Variants in BCAS1 observed in about 807,000 individuals in gnomAD.
The protein encoded by BCAS1 is brain enriched myelin associated protein 1.
BCAS1 carries 46 observed loss-of-function variants against 65.4 expected under a neutral mutation model. The observed-to-expected ratio is 0.70, with a 90% CI of 0.55 to 0.90. The LOEUF (loss-of-function observed/expected upper bound fraction) is 0.90. Among genes scored for constraint, BCAS1 ranks in the 40% least tolerant of loss-of-function variants. The probability of loss-of-function intolerance (pLI) is 0.00; values close to 1 mark genes in which losing one functional copy is unlikely to be tolerated. For synonymous variants in BCAS1, 298 were observed against 293.5 expected, an observed-to-expected ratio of 1.02 and a Z score of -0.16; for missense variants, 793 against 771.2, an observed-to-expected ratio of 1.03 and a Z score of -0.33.
intron 3 of BCAS1, among the ~76,000 whole-genome samples, chr20:54,038,098 G>A (rs1308974855): frequency 2.0e-5 from 3 of 151,250 alleles, no homozygotes; most frequent in East Asian, 1.9e-4. Context: ...ACTTCAGCTC[G>A]TACTATGTTT....
chr20:53,981,813 T>TGTGC (rs1304273701), intron 8 of BCAS1, among the ~76,000 whole-genome samples: 6 of 109,016 alleles, frequency 5.5e-5, no homozygotes, highest in Non-Finnish European at 7.7e-5. Flanking sequence ...TACAAATACA[T>TGTGC]GTGCGTGCGT....
chr20:54,063,940 G>T (rs1288875218), intron 1 of BCAS1, among the ~76,000 whole-genome samples: 1 of 152,102 alleles, frequency 6.6e-6, no homozygotes, highest in Non-Finnish European at 1.5e-5. Context: ...GATTATATGA[G>T]TGTTTTGTCT....
At chr20:54,058,756 G>T (rs1036063108) in intron 1 of BCAS1, 33 bp from the exon 2 acceptor site, 5 of 1,604,140 alleles carry the variant, frequency 3.1e-6, no homozygotes, top group Admixed American at 1.7e-5. Context: ...AAGAGAGAAA[G>T]AAATCAAAAC....
chr20:54,005,873 G>A (rs912840014), intron 4 of BCAS1, among the ~76,000 whole-genome samples: 7 of 152,306 alleles, frequency 4.6e-5, no homozygotes, highest in African/African-American at 1.7e-4. Flanking sequence ...AAAAAGATGA[G>A]GTGGGGATGG....
At chr20:54,025,826 T>C (rs952888038) in intron 4 of BCAS1, among the ~76,000 whole-genome samples, 3 of 152,090 alleles carry the variant, frequency 2.0e-5, no homozygotes, top group African/African-American at 4.8e-5. Flanking sequence ...GATTGTCCCA[T>C]TACATTTATA....
intron 10 of BCAS1, among the ~76,000 whole-genome samples, chr20:53,961,763 GAAC>G (rs2089884766): frequency 6.6e-6 from 1 of 152,164 alleles, no homozygotes; most frequent in Non-Finnish European, 1.5e-5. Context: ...GTGAGCTTTA[GAAC>G]AACAAAATGA....
chr20:53,984,905 C>G (rs208365), intron 8 of BCAS1, among the ~76,000 whole-genome samples: 34,088 of 152,058 alleles, frequency 0.22, 5,392 homozygotes, highest in East Asian at 0.49. Flanking sequence ...TGAAGACAGA[C>G]AGCCCCTAGG....
rs1391284796 is a variant in BCAS1 at position 54,041,908 on chromosome 20, C to CAAAAAAAAAAAA, written c.143-12937_143-12936insTTTTTTTTTTTT. ...AGTTCAGAGTGAGACTCTGTCTCCC[C>CAAAAAAAAAAAA]CAAAAAAAAAAAAAAAAAAAAAAGA... On this transcript the variant is annotated intron_variant, in intron 3 of 12. Transcript: ENST00000688948. 5.7e-3 allele frequency among the ~76,000 whole-genome samples: 386 copies of CAAAAAAAAAAAA among 67,266 alleles called. 85 individuals carry two copies. Among genetic ancestry groups the CAAAAAAAAAAAA allele is most frequent in the Middle Eastern group, 0.033 (3 of 92 alleles). 44.1% of individuals were successfully genotyped at this position (67,266 alleles called of 152,430 possible). A position where few individuals can be genotyped will look rare whatever the true frequency, so the allele number is the denominator to read the frequency against.
chr20:54,060,323 T>G (rs540825711), intron 1 of BCAS1, among the ~76,000 whole-genome samples: 2 of 152,042 alleles, frequency 1.3e-5, no homozygotes, highest in Non-Finnish European at 2.9e-5. Context: ...TAAAAGTAAT[T>G]TTTTTTTGAG....
In BCAS1 at chr20:54,058,759, A is replaced by G. The variant is rs140514932; in HGVS notation, c.-5-36T>C. Reference sequence around the variant, plus strand: ...GAGAAAGAGAGGAAGAGAGAAAGAAATCAAAACCAAACGAAGCTACATGTG... The same window carrying G: ...GAGAAAGAGAGGAAGAGAGAAAGAAGTCAAAACCAAACGAAGCTACATGTG... On this transcript the variant is annotated intron_variant, in intron 1 of 12. Transcript: ENST00000688948. 2.3e-4 allele frequency: 364 copies of G among 1,604,298 alleles called. 1 individual carries two copies. The African/African-American group carries it at 4.5e-3, about 20-fold the overall frequency.
intron 3 of BCAS1, among the ~76,000 whole-genome samples, chr20:54,054,111 G>A (rs564934425): frequency 1.2e-4 from 18 of 152,222 alleles, no homozygotes; most frequent in South Asian, 4.1e-4. Flanking sequence ...ATCAAATCTC[G>A]TGAGACTTAT....
intron 7 of BCAS1, among the ~76,000 whole-genome samples, chr20:53,986,901 A>G (rs1000874149): frequency 5.3e-5 from 8 of 152,308 alleles, no homozygotes; most frequent in African/African-American, 1.9e-4. Flanking sequence ...AAAAAAATAT[A>G]GAATATGGAC....
chr20:53,959,296 C>A (rs2089801968), intron 10 of BCAS1, among the ~76,000 whole-genome samples: 1 of 151,758 alleles, frequency 6.6e-6, no homozygotes, highest in Non-Finnish European at 1.5e-5. Flanking sequence ...CTCTCTTGCC[C>A]AAGCTGGAGT....
At chr20:53,988,660 C>T (rs1320994904) in intron 7 of BCAS1, among the ~76,000 whole-genome samples, 5 of 152,188 alleles carry the variant, frequency 3.3e-5, no homozygotes, top group Admixed American at 6.5e-5. Context: ...TGGAAGCTTA[C>T]AATTTTTCTC....
chr20:53,948,321 C>T (rs1203287056), intron 12 of BCAS1, among the ~76,000 whole-genome samples: 1 of 152,134 alleles, frequency 6.6e-6, no homozygotes, highest in Non-Finnish European at 1.5e-5. Context: ...CTGAACTTTG[C>T]AATAGATGAA....
At chr20:53,971,505 G>A (rs1393038704) in intron 9 of BCAS1, among the ~76,000 whole-genome samples, 1 of 152,250 alleles carries the variant, frequency 6.6e-6, no homozygotes, top group Non-Finnish European at 1.5e-5. Flanking sequence ...AATACAGCAT[G>A]TGAATGCATT....
At chr20:54,066,822 A>G (rs1424136094) in intron 1 of BCAS1, among the ~76,000 whole-genome samples, 1 of 152,238 alleles carries the variant, frequency 6.6e-6, no homozygotes, top group African/African-American at 2.4e-5. Context: ...ACCACAGCCC[A>G]AGCTGACTAA....
intron 3 of BCAS1, among the ~76,000 whole-genome samples, chr20:54,049,199 C>G (rs2092165451): frequency 6.6e-6 from 1 of 152,140 alleles, no homozygotes; most frequent in Non-Finnish European, 1.5e-5. Context: ...TAAAATGATT[C>G]CACTTACATC....
At chr20:53,991,251 T>C (rs1017229388) in intron 7 of BCAS1, among the ~76,000 whole-genome samples, 1 of 152,232 alleles carries the variant, frequency 6.6e-6, no homozygotes, top group Non-Finnish European at 1.5e-5. Context: ...CTAAGTTATG[T>C]GATGTTGGAG....
Sources: allele counts gnomAD v4.1 joint callset (sites outside exome capture counted in the v4.1 genomes callset), GRCh38; gene constraint gnomAD v4.1.1; transcripts MANE v1.5; gene names NCBI Gene and HGNC (gene_info 2026-07-23, HGNC 2026-07-21).